CEP350: variants seen among roughly 807,000 people sequenced by gnomAD.
CEP350 encodes centrosome-associated protein 350.
A neutral mutation model predicts 331.8 loss-of-function variants in CEP350; 126 were observed. The observed-to-expected ratio is 0.38, with a 90% CI of 0.33 to 0.44. The LOEUF is 0.44. Among genes scored for constraint, CEP350 ranks in the 20% least tolerant of loss-of-function variants. The pLI, the probability that CEP350 is intolerant of heterozygous loss-of-function variation, is 1.00. For synonymous variants in CEP350, 1,200 were observed against 1,259.5 expected (o/e 0.95, Z 1.00); for missense variants, 3,406 against 3,634.6 (o/e 0.94, Z 1.62).
intron 6 of CEP350, among the ~76,000 whole-genome samples, chr1:180,001,893 T>C (rs1653888088): frequency 6.6e-6 from 1 of 152,260 alleles, no homozygotes; most frequent in Non-Finnish European, 1.5e-5. Flanking sequence ...TCTCCACTTC[T>C]AGTCTTTTTG....
intron 15 of CEP350, among the ~76,000 whole-genome samples, chr1:180,033,370 A>T (rs908203770): frequency 1.3e-5 from 2 of 152,192 alleles, no homozygotes; most frequent in African/African-American, 4.8e-5. Context: ...GAATAGTGTG[A>T]AATTTTTTTC....
intron 37 of CEP350, among the ~76,000 whole-genome samples, chr1:180,103,246 GAGA>G: frequency 6.6e-6 from 1 of 152,358 alleles, no homozygotes; most frequent in Non-Finnish European, 1.5e-5. Flanking sequence ...GCAAAGAGAA[GAGA>G]AGATGGAGCT....
chr1:180,093,196 C>T lies in CEP350; in HGVS notation c.7091C>T (p.Ser2364Leu). ...ACAAAGGAAAAAGATTTGTCTTGGT[C>T]AGAACATCTTTTTGCTCCTAAAGAG... ...KNTKEKDLSW[S>L]EHLFAPKEIP... Residue 2364 changes from serine (S) to leucine (L), a missense_variant, in exon 34 of 38, where the codon TCA (serine) becomes TTA (leucine). Transcript: ENST00000367607. 1 of 1,599,920 alleles carries T rather than the reference C, an allele frequency of 6.3e-7. No individual in the cohort carries two copies. Among genetic ancestry groups the T allele is most frequent in the Non-Finnish European group, 8.5e-7 (1 of 1,172,360 alleles).
chr1:180,050,681 AAAAAAAAAAC>A (rs1484898359), intron 22 of CEP350, among the ~76,000 whole-genome samples: 1 of 151,680 alleles, frequency 6.6e-6, no homozygotes, highest in African/African-American at 2.4e-5. Context: ...ACCAAAAAAA[AAAAAAAAAAC>A]AAAAAAACCT....
intron 1 of CEP350, among the ~76,000 whole-genome samples, chr1:179,958,905 A>G (rs767528443): frequency 1.3e-5 from 2 of 152,232 alleles, no homozygotes; most frequent in Non-Finnish European, 2.9e-5. Context: ...ATGTGAATAG[A>G]AAAAGGTCTA....
intron 1 of CEP350, among the ~76,000 whole-genome samples, chr1:179,962,463 G>A (rs903097764): frequency 9.2e-5 from 14 of 152,078 alleles, no homozygotes; most frequent in African/African-American, 2.9e-4. Flanking sequence ...ACGCTGGAGC[G>A]CAGTGACGTG....
chr1:180,003,459 G>C (rs1382582538), intron 7 of CEP350, among the ~76,000 whole-genome samples, 172 bp downstream of exon 7: 1 of 152,190 alleles, frequency 6.6e-6, no homozygotes, highest in Non-Finnish European at 1.5e-5. Flanking sequence ...TCTAGACTCA[G>C]CTCCAGGGTT....
At position 180,015,988 on chromosome 1, in the gene CEP350, A is replaced by G. The variant is rs1239638495; in HGVS notation, c.2174+18A>G. 6.2e-7 allele frequency: 1 copy of G among 1,611,754 alleles called. No homozygotes were observed. The highest frequency in any genetic ancestry group is 1.3e-5 in the African/African-American group (1 of 74,816). On this transcript the variant is annotated intron_variant, in intron 11 of 37. Transcript: ENST00000367607. ...CTTGCAAGGTAAAAAGGGAAGAATG[A>G]AAGATGATTAAGATTCTTTTCATGA...
chr1:180,046,329 C>A lies in CEP350; in HGVS notation c.4622+2156C>A, dbSNP rs544659243. 8.5e-4 allele frequency among the ~76,000 whole-genome samples: 130 copies of A among 152,306 alleles called. 1 individual carries two copies. The highest frequency in any genetic ancestry group is 3.1e-3 in the African/African-American group (128 of 41,568). ...TCTGGATTTTTTATATAAATGGCAT[C>A]ATTACAGTATGTGGCCCTTTGTAAC... On this transcript the variant is annotated intron_variant, in intron 21 of 37. Transcript: ENST00000367607.
Position 180,052,977 on chromosome 1 carries a change from G to T in CEP350, c.4800G>T (p.Thr1600=). The T allele has an allele frequency of 7.9e-7, 1 of 1,273,008 alleles. No homozygotes were observed. The highest frequency in any genetic ancestry group is 1.9e-5 in the Admixed American group (1 of 52,678). 78.9% of individuals were successfully genotyped at this position (1,273,008 alleles called of 1,614,324 possible). A position where few individuals can be genotyped will look rare whatever the true frequency, so the allele number is the denominator to read the frequency against. ...TTCTCCATATTCTTTTAGACTCAAC[G>T]TCTATTGCAACAGAATATTCTCTGA... is the stretch of plus-strand genomic sequence containing the variant. ...VPSLPDEKDS[T]SIATEYSLKF... The change falls in exon 23 of 38, where the codon ACG becomes ACT. Residue 1600 remains threonine, a synonymous_variant. Coordinates refer to ENST00000367607, the MANE Select transcript of CEP350 (RefSeq NM_014810.5).
At position 180,094,329 on chromosome 1, in the gene CEP350, A is replaced by G. The variant is rs760679394; in HGVS notation, c.8224A>G (p.Lys2742Glu). Residue 2742 changes from lysine to glutamate, a missense_variant, in exon 34 of 38, where the codon AAA becomes GAA. Coordinates refer to ENST00000367607, the MANE Select transcript of CEP350 (RefSeq NM_014810.5). ...AQLKSSLNEE[K>E]KSKQQLEKIS... is the part of the protein sequence containing the mutation. Reference sequence around the variant, plus strand: ...GCTGAAGTCATCACTAAATGAGGAAAAAAAGTCAAAACAACAACTGGAAAA... The same window carrying G: ...GCTGAAGTCATCACTAAATGAGGAAGAAAAGTCAAAACAACAACTGGAAAA... 6.2e-7 allele frequency: 1 copy of G among 1,613,982 alleles called. No homozygotes were observed. Among genetic ancestry groups the G allele is most frequent in the Non-Finnish European group, 8.5e-7 (1 of 1,179,874 alleles).
At chr1:179,959,842 C>G (rs1289362521) in intron 1 of CEP350, among the ~76,000 whole-genome samples, 2 of 152,132 alleles carry the variant, frequency 1.3e-5, no homozygotes, top group Non-Finnish European at 2.9e-5. Flanking sequence ...TTTCTCCTAG[C>G]TTTGTAGCCT....
intron 1 of CEP350, among the ~76,000 whole-genome samples, chr1:179,969,886 A>G (rs1447356680): frequency 1.3e-5 from 2 of 152,208 alleles, no homozygotes; most frequent in South Asian, 2.1e-4. Context: ...TTTCTTATGT[A>G]TAAGGGAAAA....
chr1:180,105,804 A>T (rs1661109760), intron 37 of CEP350, among the ~76,000 whole-genome samples: 3 of 152,200 alleles, frequency 2.0e-5, no homozygotes, highest in Non-Finnish European at 4.4e-5. Context: ...TTCATAATAA[A>T]CAGTTGCTTC....
At chr1:180,108,225 G>A (rs1244729885) in intron 37 of CEP350, among the ~76,000 whole-genome samples, 2 of 152,104 alleles carry the variant, frequency 1.3e-5, no homozygotes, top group Non-Finnish European at 1.5e-5. Flanking sequence ...CCGAGAGAGA[G>A]AATAAAAAAT....
chr1:180,109,496 G>A (rs1661361933), intron 37 of CEP350, among the ~76,000 whole-genome samples: 1 of 152,098 alleles, frequency 6.6e-6, no homozygotes, highest in Non-Finnish European at 1.5e-5. Context: ...TTTTTGCCAA[G>A]TAAGACTTCT....
chr1:180,095,061 C>T, intron 34 of CEP350: 1 of 174,710 alleles, frequency 5.7e-6, no homozygotes. Flanking sequence ...CAGAGGTTAG[C>T]AGTTGTGATG....
intron 37 of CEP350, among the ~76,000 whole-genome samples, 172 bp downstream of exon 37, chr1:180,099,157 T>C (rs190883228): frequency 1.6e-4 from 24 of 152,220 alleles, no homozygotes; most frequent in African/African-American, 5.5e-4. Context: ...TATTTTCTTT[T>C]GTACTCAGTA....
At chr1:179,955,745 A>C (rs1650127953) in intron 1 of CEP350, among the ~76,000 whole-genome samples, 1 of 152,238 alleles carries the variant, frequency 6.6e-6, no homozygotes, top group African/African-American at 2.4e-5. Context: ...TATGAATTGG[A>C]ATTTGCCTGG....
Sources: gnomAD v4.1 joint callset for allele counts (sites outside exome capture counted in the v4.1 genomes callset) on GRCh38, gnomAD v4.1.1 for gene constraint, MANE v1.5 for transcripts, NCBI Gene and HGNC (gene_info 2026-07-23, HGNC 2026-07-21) for gene names.